STXBP4: variants seen among roughly 807,000 people sequenced by gnomAD.
The protein encoded by STXBP4 is syntaxin-binding protein 4.
STXBP4 carries 55 observed loss-of-function variants against 76.1 expected under a neutral mutation model. The observed-to-expected ratio is 0.72, with a 90% CI of 0.58 to 0.91. The LOEUF (loss-of-function observed/expected upper bound fraction) is 0.91. Among genes scored for constraint, STXBP4 ranks in the 40% least tolerant of loss-of-function variants. The pLI is 0.00. For missense variants in STXBP4, 618 were observed against 636.9 expected, an observed-to-expected ratio of 0.97 and a Z score of 0.32; for synonymous variants, 201 against 220.2, an observed-to-expected ratio of 0.91 and a Z score of 0.77.
intron 8 of STXBP4, among the ~76,000 whole-genome samples, chr17:55,029,821 C>G (rs1373586425): frequency 6.6e-6 from 1 of 152,000 alleles, no homozygotes. Context: ...ACCGTAAACT[C>G]TTTGGGGTGA....
chr17:55,125,479 C>CAAAAAAAAAAAAAAAAAAAAAA (rs10632680), intron 16 of STXBP4, among the ~76,000 whole-genome samples: 2 of 91,770 alleles, frequency 2.2e-5, no homozygotes, highest in African/African-American at 3.8e-5. Context: ...GGACAAAATA[C>CAAAAAAAAAAAAAAAAAAAAAA]AAAAAAAAAA....
chr17:55,092,414 TG>T (rs1369955389), intron 16 of STXBP4, among the ~76,000 whole-genome samples: 1 of 152,264 alleles, frequency 6.6e-6, no homozygotes, highest in Non-Finnish European at 1.5e-5. Flanking sequence ...ATTATGATTT[TG>T]TATTTTATTA....
the STXBP4 span, among the ~76,000 whole-genome samples, chr17:55,190,236 G>T: frequency 6.6e-6 from 1 of 152,148 alleles, no homozygotes; most frequent in Non-Finnish European, 1.5e-5. Context: ...GCAAGGAACA[G>T]AACAATCCCT....
At chr17:55,041,635 TC>T (rs1417390910) in intron 10 of STXBP4, among the ~76,000 whole-genome samples, 1 of 152,174 alleles carries the variant, frequency 6.6e-6, no homozygotes. Context: ...TTACTTTAGT[TC>T]CATGAGCTAG....
chr17:55,135,605 A>G (rs2080020347), intron 16 of STXBP4, among the ~76,000 whole-genome samples: 2 of 152,130 alleles, frequency 1.3e-5, no homozygotes, highest in Admixed American at 1.3e-4. Flanking sequence ...ACTATACTAG[A>G]TTCCTTTTTC....
intron 17 of STXBP4, among the ~76,000 whole-genome samples, chr17:55,151,831 G>T (rs556577312): frequency 1.3e-5 from 2 of 152,306 alleles, no homozygotes; most frequent in Admixed American, 6.5e-5. Flanking sequence ...ATTTGAGTAG[G>T]TTGACATATA....
intron 16 of STXBP4, among the ~76,000 whole-genome samples, chr17:55,134,528 T>A (rs1046645196): frequency 6.6e-6 from 1 of 152,136 alleles, no homozygotes; most frequent in African/African-American, 2.4e-5. Context: ...TCAGAATTTC[T>A]GGAGAAATTG....
At chr17:55,154,786 AT>A (rs1242041613) in intron 17 of STXBP4, among the ~76,000 whole-genome samples, 4 of 152,212 alleles carry the variant, frequency 2.6e-5, no homozygotes, top group African/African-American at 4.8e-5. Flanking sequence ...AGTGACAACA[AT>A]TTTTTTATAC....
the STXBP4 span, among the ~76,000 whole-genome samples, chr17:55,200,911 T>C: frequency 6.6e-6 from 1 of 152,200 alleles, no homozygotes; most frequent in African/African-American, 2.4e-5. Context: ...TAAACAGGCC[T>C]TTCTCTCTCT....
At chr17:55,015,458 G>A (rs1040771562) in intron 8 of STXBP4, among the ~76,000 whole-genome samples, 1 of 152,208 alleles carries the variant, frequency 6.6e-6, no homozygotes, top group East Asian at 1.9e-4. Context: ...TTTGGGGTTA[G>A]TGTCTGATTT....
At chr17:55,122,640 A>G (rs1232174126) in intron 16 of STXBP4, among the ~76,000 whole-genome samples, 1 of 152,228 alleles carries the variant, frequency 6.6e-6, no homozygotes, top group Non-Finnish European at 1.5e-5. Context: ...TTTATAATTA[A>G]TAGAAAGCAG....
chr17:55,043,436 A>C (rs1333216740), intron 11 of STXBP4, 111 bp downstream of exon 11: 8 of 752,466 alleles, frequency 1.1e-5, no homozygotes, highest in Non-Finnish European at 1.4e-5. Flanking sequence ...TAATGGAAAA[A>C]TATTAATATC....
chr17:55,148,923 A>ATT (rs1408691252), intron 17 of STXBP4, among the ~76,000 whole-genome samples: 3 of 152,202 alleles, frequency 2.0e-5, no homozygotes, highest in African/African-American at 7.2e-5. Flanking sequence ...GAATGAGGAA[A>ATT]TGTCTACTGA....
intron 8 of STXBP4, among the ~76,000 whole-genome samples, chr17:55,011,502 C>CTT (rs796486777): frequency 1.5e-4 from 5 of 34,284 alleles, no homozygotes; most frequent in Non-Finnish European, 2.0e-4. Context: ...AGTTTATTTT[C>CTT]TTTTTCTTTT....
At chr17:55,012,182 C>G (rs2078127722) in intron 8 of STXBP4, among the ~76,000 whole-genome samples, 1 of 152,132 alleles carries the variant, frequency 6.6e-6, no homozygotes, top group South Asian at 2.1e-4. Context: ...TGGCACACTT[C>G]ACAGTGCACC....
the STXBP4 span, among the ~76,000 whole-genome samples, chr17:55,191,715 C>T: frequency 6.6e-6 from 1 of 152,268 alleles, no homozygotes; most frequent in Admixed American, 6.5e-5. Flanking sequence ...GAGGTGTTCT[C>T]CGATACCAAC....
intron 1 of STXBP4, among the ~76,000 whole-genome samples, chr17:54,982,011 T>C (rs978968360): frequency 6.6e-6 from 1 of 152,210 alleles, no homozygotes; most frequent in African/African-American, 2.4e-5. Context: ...TTATTTAGTA[T>C]ACCATAGTGG....
At chr17:55,196,274 A>G in the STXBP4 span, among the ~76,000 whole-genome samples, 6 of 152,166 alleles carry the variant, frequency 3.9e-5, no homozygotes, top group South Asian at 4.2e-4. Flanking sequence ...TCATACTCCT[A>G]AGGATAGCAG....
At chr17:55,096,878 T>G (rs1453971063) in intron 16 of STXBP4, among the ~76,000 whole-genome samples, 1 of 152,222 alleles carries the variant, frequency 6.6e-6, no homozygotes, top group Non-Finnish European at 1.5e-5. Flanking sequence ...ATTATTGCTC[T>G]TTTCATATTG....
Sources: allele counts gnomAD v4.1 joint callset (sites outside exome capture counted in the v4.1 genomes callset), GRCh38; gene constraint gnomAD v4.1.1; transcripts MANE v1.5; gene names NCBI Gene and HGNC (gene_info 2026-07-23, HGNC 2026-07-21).